The following CSMD1 variants were observed in gnomAD, a reference collection of about 807,000 sequenced individuals.
CSMD1 encodes CUB and sushi domain-containing protein 1.
Under a neutral mutation model 417.5 loss-of-function variants are expected in CSMD1, and 213 were observed. That is an observed-to-expected ratio of 0.51 (90% CI 0.46 to 0.57). The LOEUF (loss-of-function observed/expected upper bound fraction) is 0.57. Among genes scored for constraint, CSMD1 ranks in the 20% least tolerant of loss-of-function variants. CSMD1 has a pLI of 0.00. For synonymous variants in CSMD1, 2,862 were observed against 1,736.8 expected (o/e 1.65, Z -16.11); for missense variants, 6,923 against 4,529.7 (o/e 1.53, Z -15.17).
At chr8:4,667,190 T>G (rs1439931674) in intron 1 of CSMD1, among the ~76,000 whole-genome samples, 2 of 152,186 alleles carry the variant, frequency 1.3e-5, no homozygotes, top group Non-Finnish European at 2.9e-5. Flanking sequence ...TGGACTCTAT[T>G]TTGTTCCATA....
chr8:3,018,333 A>T (rs1175800648), intron 52 of CSMD1, 144 bp downstream of exon 52: 19 of 710,138 alleles, frequency 2.7e-5, no homozygotes, highest in Non-Finnish European at 4.3e-5. Flanking sequence ...ATACTCAAAG[A>T]AAAAATCACA....
At chr8:4,802,362 T>C (rs963297457) in intron 1 of CSMD1, among the ~76,000 whole-genome samples, 5 of 152,002 alleles carry the variant, frequency 3.3e-5, no homozygotes, top group East Asian at 1.9e-4. Context: ...CGTGTGTGTG[T>C]GTGTGTGTGT....
Position 4,944,985 on chromosome 8 carries a change from G to C in CSMD1, c.85+49347C>G, listed in dbSNP as rs138703576. 2.5e-3 allele frequency among the ~76,000 whole-genome samples: 385 copies of C among 152,284 alleles called. 1 individual carries two copies. The highest frequency in any genetic ancestry group is 8.8e-3 in the African/African-American group (364 of 41,548). ...TGTATCAGAGCTATTCAAAACAGAC[G>C]AGAGGTGGAACCAACCCGTGTCCCT... On this transcript the variant is annotated intron_variant, in intron 1 of 69. Coordinates refer to ENST00000635120, the MANE Select transcript of CSMD1 (RefSeq NM_033225.6).
At chr8:3,222,887 G>T (rs749693199) in intron 28 of CSMD1, among the ~76,000 whole-genome samples, 1 of 152,162 alleles carries the variant, frequency 6.6e-6, no homozygotes, top group Non-Finnish European at 1.5e-5. Context: ...GAAAGTGAGG[G>T]TATGTAAACA....
chr8:4,776,150 G>C (rs543666534), intron 1 of CSMD1, among the ~76,000 whole-genome samples: 11 of 152,256 alleles, frequency 7.2e-5, no homozygotes, highest in Admixed American at 1.3e-4. Flanking sequence ...CCAAGGTGAA[G>C]AAGAGATGAG....
At chr8:4,456,822 G>T (rs990131922) in intron 2 of CSMD1, among the ~76,000 whole-genome samples, 11 of 152,060 alleles carry the variant, frequency 7.2e-5, no homozygotes, top group Admixed American at 2.0e-4. Flanking sequence ...GGCTGAGCCA[G>T]TGGGTACCTG....
At chr8:3,953,515 G>C (rs902739704) in intron 5 of CSMD1, among the ~76,000 whole-genome samples, 5 of 152,148 alleles carry the variant, frequency 3.3e-5, no homozygotes, top group African/African-American at 1.2e-4. Flanking sequence ...ACTGGGAAAA[G>C]ATAATGACAT....
intron 3 of CSMD1, among the ~76,000 whole-genome samples, chr8:4,350,703 C>T (rs181537003): frequency 3.2e-4 from 48 of 152,302 alleles, no homozygotes; most frequent in Admixed American, 4.6e-4. Context: ...TCAAGGTTGT[C>T]CACTTCTCCT....
intron 37 of CSMD1, among the ~76,000 whole-genome samples, chr8:3,174,093 G>A (rs929130613): frequency 3.3e-5 from 5 of 152,188 alleles, no homozygotes; most frequent in Non-Finnish European, 7.3e-5. Context: ...ACATTCATAA[G>A]AAACGTGACT....
chr8:4,957,490 A>G (rs140920649), intron 1 of CSMD1, among the ~76,000 whole-genome samples: 113 of 152,348 alleles, frequency 7.4e-4, no homozygotes, highest in African/African-American at 2.5e-3. Context: ...CACACATATC[A>G]GAGTAGAAAT....
chr8:4,564,675 T>C (rs184375524), intron 2 of CSMD1, among the ~76,000 whole-genome samples: 23 of 152,344 alleles, frequency 1.5e-4, no homozygotes, highest in African/African-American at 4.8e-4. Context: ...CTAAAGTCTA[T>C]AGTACCTGAG....
rs532518947 is a variant in CSMD1, at chr8:3,977,155, A to C, written c.818+20748T>G. On this transcript the variant is annotated intron_variant, in intron 5 of 69. Transcript: ENST00000635120. ...AAACTTTCATGATGAACATTTTCTC[A>C]ATCTCTTGGGCTGAAGCAATCTTTC... Among the ~76,000 whole-genome samples the C allele has an allele frequency of 7.9e-5, 12 of 152,230 alleles. No individual in the cohort carries two copies. The South Asian group carries it at 2.5e-3, about 32-fold the overall frequency.
At position 3,201,626 on chromosome 8, in the gene CSMD1, G is replaced by C; in HGVS notation, c.5084C>G (p.Ser1695Trp). The change falls in exon 32 of 70, where the codon TCG becomes TGG. Residue 1695 changes from serine to tryptophan, a missense_variant. Ser to Trp is a radical substitution (Grantham distance 177, BLOSUM62 -3). Transcript: ENST00000635120. ...HAQARLLSSLSGSHSGETLPL... is the reference protein window; with the variant it reads ...HAQARLLSSLWGSHSGETLPL... ...TTAAGACTTACCTGAGTGAGACCCCGAGAGTGAGCTGAGAAGTCTGGCCTG... is the reference window on the plus strand; with the variant it reads ...TTAAGACTTACCTGAGTGAGACCCCCAGAGTGAGCTGAGAAGTCTGGCCTG... 1.2e-6 allele frequency: 2 copies of C among 1,600,152 alleles called. No homozygotes were observed. The highest frequency in any genetic ancestry group is 1.7e-6 in the Non-Finnish European group (2 of 1,172,266).
At chr8:3,408,825 A>G (rs528256208) in intron 13 of CSMD1, among the ~76,000 whole-genome samples, 1 of 152,176 alleles carries the variant, frequency 6.6e-6, no homozygotes, top group African/African-American at 2.4e-5. Context: ...TTGGAGGGAG[A>G]AACTGTTGGA....
chr8:4,034,666 G>A (rs1299654040), intron 3 of CSMD1, among the ~76,000 whole-genome samples: 1 of 152,160 alleles, frequency 6.6e-6, no homozygotes, highest in Non-Finnish European at 1.5e-5. Flanking sequence ...TGTGAAGAGT[G>A]AGAAAGGGAG....
chr8:3,453,393 A>C lies in CSMD1; in HGVS notation c.1561+15319T>G, dbSNP rs190571954. Among the ~76,000 whole-genome samples, 513 of 151,812 alleles carry C rather than the reference A, an allele frequency of 3.4e-3. 1 individual carries two copies. The highest frequency in any genetic ancestry group is 0.012 in the African/African-American group (500 of 41,370). On this transcript the variant is annotated intron_variant, in intron 12 of 69. Coordinates refer to ENST00000635120, the MANE Select transcript of CSMD1 (RefSeq NM_033225.6). ...TGCTCTTGCTTCTCTGGTTTTTTTA[A>C]TTGTGATGTTAGGATGTCAATTTTA...
chr8:3,973,757 A>T (rs909782317), intron 5 of CSMD1, among the ~76,000 whole-genome samples: 3 of 152,206 alleles, frequency 2.0e-5, no homozygotes, highest in Non-Finnish European at 4.4e-5. Flanking sequence ...AATGCAAACC[A>T]ACCAGTGTTT....
intron 5 of CSMD1, among the ~76,000 whole-genome samples, chr8:3,869,581 C>T (rs1248675056): frequency 2.6e-5 from 4 of 152,144 alleles, no homozygotes; most frequent in African/African-American, 7.2e-5. Context: ...ATAAACCTAT[C>T]TATCAGATAT....
intron 3 of CSMD1, among the ~76,000 whole-genome samples, chr8:4,043,881 A>T (rs756572346): frequency 3.3e-5 from 5 of 152,224 alleles, no homozygotes; most frequent in African/African-American, 4.8e-5. Flanking sequence ...TAAGGAACTC[A>T]GTTAAGATAA....
Sources: allele counts gnomAD v4.1 joint callset (sites outside exome capture counted in the v4.1 genomes callset), GRCh38; gene constraint gnomAD v4.1.1; transcripts MANE v1.5; gene names NCBI Gene and HGNC (gene_info 2026-07-23, HGNC 2026-07-21).